The following DPP6 variants were observed in gnomAD, a reference collection of about 807,000 sequenced individuals.
DPP6 encodes A-type potassium channel modulatory protein DPP6.
In DPP6, 69 loss-of-function variants were observed where a neutral mutation model predicts 122.6. That is an observed-to-expected ratio of 0.56 (90% CI 0.46 to 0.69). The LOEUF (loss-of-function observed/expected upper bound fraction) is 0.69, where lower values mean the gene tolerates loss of function less well. Ranked by LOEUF, DPP6 falls within the 30% of genes least tolerant of loss-of-function variation. The pLI is 0.00. For missense variants in DPP6, 928 were observed against 1,116.9 expected, an observed-to-expected ratio of 0.83 and a Z score of 2.41; for synonymous variants, 418 against 433.1, an observed-to-expected ratio of 0.97 and a Z score of 0.43.
intron 11 of DPP6, 111 bp from the exon 12 acceptor site, chr7:154,795,734 A>G: frequency 6.8e-7 from 1 of 1,465,240 alleles, no homozygotes; most frequent in Non-Finnish European, 9.2e-7. Context: ...GCGGCCATGT[A>G]GGTGAAGCCA....
rs141181355 is a variant in DPP6 at position 154,498,285 on chromosome 7, C to T, written c.457+23248C>T. ...CCCAAATAATTGGGTTAACCAAATA[C>T]GCAATGAATTTTCCTCACATACAAG... On this transcript the variant is annotated intron_variant, in intron 3 of 25. Coordinates refer to ENST00000377770, the MANE Select transcript of DPP6 (RefSeq NM_130797.4). Among the ~76,000 whole-genome samples the T allele has an allele frequency of 3.2e-4, 49 of 152,296 alleles. No individual in the cohort carries two copies. In the East Asian group the frequency reaches 5.4e-3, roughly 17 times the overall value.
chr7:154,172,125 C>T (rs972503915), intron 1 of DPP6, among the ~76,000 whole-genome samples: 3 of 133,856 alleles, frequency 2.2e-5, no homozygotes, highest in African/African-American at 8.6e-5. Context: ...ATTCTGTGCC[C>T]CTCCCTCCCT....
intron 12 of DPP6, among the ~76,000 whole-genome samples, chr7:154,796,573 G>A (rs971609670): frequency 5.3e-5 from 8 of 152,258 alleles, no homozygotes; most frequent in South Asian, 2.1e-4. Context: ...AAAAAGCTTT[G>A]GAAGCTTCCT....
chr7:153,933,865 C>T (rs1183314731), intron 1 of DPP6, among the ~76,000 whole-genome samples: 1 of 152,192 alleles, frequency 6.6e-6, no homozygotes, highest in African/African-American at 2.4e-5. Flanking sequence ...ATGGATTGGC[C>T]AGCCACAGCC....
In DPP6 at chr7:154,379,171, G is replaced by A. The variant is rs574825948; in HGVS notation, c.244-67043G>A. On this transcript the variant is annotated intron_variant, in intron 1 of 25. Transcript: ENST00000377770. The stretch of plus-strand genomic sequence containing the variant: ...GTTGATAATTACAACTCGGTTCCAA[G>A]AGGTGCCTCCATAAAAGGTCACAGA... Among the ~76,000 whole-genome samples, 71 of 152,264 alleles carry A rather than the reference G, an allele frequency of 4.7e-4. No homozygotes were observed. The South Asian group carries it at 4.8e-3, about 10-fold the overall frequency.
chr7:153,793,772 C>A, the DPP6 span, among the ~76,000 whole-genome samples: 3 of 151,726 alleles, frequency 2.0e-5, no homozygotes, highest in African/African-American at 4.8e-5. Context: ...GCCCAGAGAC[C>A]TAGAAGAAAA....
rs750065238 is a variant in DPP6 at position 153,910,234 on chromosome 7, C to CTTTTTTCTTTTTTCTTT, written c.51+22506_51+22507insCTTTTTTCTTTTTTTTT. On this transcript the variant is annotated intron_variant, in intron 1 of 25. Transcript: ENST00000404039. The stretch of plus-strand genomic sequence containing the variant: ...ACTTTTTTGACCACTTTCTTTCTTT[C>CTTTTTTCTTTTTTCTTT]TTTTTTTTTTTTTGAGATGGAGTCT... 1.3e-3 allele frequency among the ~76,000 whole-genome samples: 175 copies of CTTTTTTCTTTTTTCTTT among 137,756 alleles called. 2 individuals are homozygous for CTTTTTTCTTTTTTCTTT. The highest frequency in any genetic ancestry group is 4.4e-3 in the African/African-American group (162 of 37,070). The allele number at this position is 137,756 out of a possible 152,430, so 90.4% of individuals were successfully genotyped here. A position where few individuals can be genotyped will look rare whatever the true frequency, so the allele number is the denominator to read the frequency against.
At chr7:154,063,055 C>A (rs188717755) in intron 1 of DPP6, among the ~76,000 whole-genome samples, 1 of 118,204 alleles carries the variant, frequency 8.5e-6, no homozygotes, top group African/African-American at 3.3e-5. Flanking sequence ...GCACCCCCCA[C>A]GAGAGTGGGG....
chr7:154,230,310 A>C (rs542492738), intron 1 of DPP6, among the ~76,000 whole-genome samples: 3 of 152,344 alleles, frequency 2.0e-5, no homozygotes, highest in Admixed American at 2.0e-4. Context: ...GATAATCAAC[A>C]AACTATTTCT....
At chr7:154,537,696 T>TA (rs1219601923) in intron 3 of DPP6, among the ~76,000 whole-genome samples, 2 of 69,098 alleles carry the variant, frequency 2.9e-5, no homozygotes, top group Non-Finnish European at 6.3e-5. Context: ...GTCAAAAAAA[T>TA]AAAAAAAGAA....
chr7:154,502,689 G>C (rs563893791), intron 3 of DPP6, among the ~76,000 whole-genome samples: 32 of 152,254 alleles, frequency 2.1e-4, no homozygotes, highest in African/African-American at 7.5e-4. Flanking sequence ...TATCAGCAGT[G>C]TGAAAATGGA....
chr7:154,073,999 C>T (rs574331578), intron 1 of DPP6, among the ~76,000 whole-genome samples: 1 of 148,838 alleles, frequency 6.7e-6, no homozygotes, highest in Non-Finnish European at 1.5e-5. Context: ...AAATATATAT[C>T]TATGTATGTA....
chr7:154,320,327 C>T (rs1432827632), intron 1 of DPP6, among the ~76,000 whole-genome samples: 1 of 152,086 alleles, frequency 6.6e-6, no homozygotes, highest in East Asian at 1.9e-4. Flanking sequence ...GTTCCCATGG[C>T]CGCTCCATTC....
intron 3 of DPP6, among the ~76,000 whole-genome samples, chr7:154,500,045 G>A (rs540920076): frequency 2.7e-4 from 41 of 152,234 alleles, no homozygotes; most frequent in African/African-American, 7.7e-4. Context: ...GGGCATGGGC[G>A]GACTGTCATC....
intron 5 of DPP6, among the ~76,000 whole-genome samples, chr7:154,621,633 C>G (rs954077160): frequency 6.6e-6 from 1 of 152,132 alleles, no homozygotes; most frequent in Admixed American, 6.5e-5. Context: ...TCCCAAAGTG[C>G]TAAGATTAGA....
intron 1 of DPP6, among the ~76,000 whole-genome samples, chr7:154,170,793 C>G (rs1797497829): frequency 1.3e-5 from 2 of 152,216 alleles, no homozygotes; most frequent in Admixed American, 6.5e-5. Flanking sequence ...AGACTAGCCT[C>G]TGTGGACTAG....
chr7:154,699,739 G>A (rs1286429634), intron 7 of DPP6, among the ~76,000 whole-genome samples: 1 of 152,242 alleles, frequency 6.6e-6, no homozygotes, highest in East Asian at 1.9e-4. Context: ...CCTTGGAGAA[G>A]CCCTGGCATG....
chr7:154,649,422 T>TA (rs1476812062), intron 6 of DPP6, among the ~76,000 whole-genome samples: 1 of 152,336 alleles, frequency 6.6e-6, no homozygotes, highest in South Asian at 2.1e-4. Flanking sequence ...AGATCATAAG[T>TA]AAATGCACCT....
chr7:154,384,354 G>A (rs1813893995), intron 1 of DPP6, among the ~76,000 whole-genome samples: 1 of 152,206 alleles, frequency 6.6e-6, no homozygotes, highest in Non-Finnish European at 1.5e-5. Flanking sequence ...GGGAGAAGGA[G>A]GTCACTGGGA....
Sources: allele counts gnomAD v4.1 joint callset (sites outside exome capture counted in the v4.1 genomes callset), GRCh38; gene constraint gnomAD v4.1.1; transcripts MANE v1.5; gene names NCBI Gene and HGNC (gene_info 2026-07-23, HGNC 2026-07-21).